PHACTR2: variants seen among roughly 807,000 people sequenced by gnomAD.
PHACTR2 encodes phosphatase and actin regulator 2.
PHACTR2 carries 30 observed loss-of-function variants against 76.0 expected under a neutral mutation model. That is an observed-to-expected ratio of 0.39 (90% CI 0.30 to 0.54). PHACTR2 has a LOEUF of 0.54. Among genes scored for constraint, PHACTR2 ranks in the 20% least tolerant of loss-of-function variants. The pLI, the probability that PHACTR2 is intolerant of heterozygous loss-of-function variation, is 0.61. For missense variants in PHACTR2, 696 were observed against 781.1 expected, an observed-to-expected ratio of 0.89 and a Z score of 1.30; for synonymous variants, 292 against 292.5, an observed-to-expected ratio of 1.00 and a Z score of 0.02.
At position 143,731,006 on chromosome 6, in the gene PHACTR2, C is replaced by T. The variant is rs891459916; in HGVS notation, c.215-17979C>T. 1.3e-5 allele frequency among the ~76,000 whole-genome samples: 2 copies of T among 152,182 alleles called. No individual in the cohort carries two copies. The highest frequency in any genetic ancestry group is 2.4e-5 in the African/African-American group (1 of 41,442). ...AACATGATCCGCCTGCCTCAGCCTT[C>T]AAAAGTGCTGAGATTACAGGCGTGA... On this transcript the variant is annotated intron_variant, in intron 2 of 12. Transcript: ENST00000440869. The surrounding 1 kb of genome is among the most constrained non-coding windows in gnomAD (Gnocchi z 4.9).
chr6:143,719,135 G>A (rs1364854807), intron 2 of PHACTR2, among the ~76,000 whole-genome samples: 11 of 150,286 alleles, frequency 7.3e-5, no homozygotes, highest in Non-Finnish European at 1.6e-4. Flanking sequence ...CACCTGCCTC[G>A]GCCTCCTAAA....
intron 2 of PHACTR2, among the ~76,000 whole-genome samples, chr6:143,714,026 G>A (rs1778245750): frequency 6.6e-6 from 1 of 152,096 alleles, no homozygotes; most frequent in South Asian, 2.1e-4. Flanking sequence ...AAGTAGTTGC[G>A]ATTTTTGCCA....
intron 1 of PHACTR2, among the ~76,000 whole-genome samples, chr6:143,620,243 G>A (rs963280401): frequency 5.3e-5 from 8 of 152,006 alleles, no homozygotes; most frequent in African/African-American, 1.9e-4. Flanking sequence ...CAGCCCTAAT[G>A]CTCCATAAAC....
At position 143,688,976 on chromosome 6, in the gene PHACTR2, C is replaced by CCT. The variant is rs1390631310; in HGVS notation, c.46+10772_46+10773dup. Among the ~76,000 whole-genome samples, 2 of 152,202 alleles carry CCT rather than the reference C, an allele frequency of 1.3e-5. No individual in the cohort carries two copies. Among genetic ancestry groups the CCT allele is most frequent in the Non-Finnish European group, 2.9e-5 (2 of 68,026 alleles). On this transcript the variant is annotated intron_variant, in intron 1 of 12. Coordinates refer to ENST00000440869, the MANE Select transcript of PHACTR2 (RefSeq NM_001100164.2). This position sits in a 1 kb window ranked among gnomAD's most constrained non-coding sequence, Gnocchi z 5.2. ...CATGAGCCTATATGATCCCTGCCCACCTCTCTGACCTCATCTTCCATCACT... is the reference window on the plus strand; with the variant it reads ...CATGAGCCTATATGATCCCTGCCCACCTCTCTCTGACCTCATCTTCCATCACT...
At position 143,823,485 on chromosome 6, in the gene PHACTR2, G is replaced by A. The variant is rs548766346; in HGVS notation, c.1923-189G>A. 3.0e-4 allele frequency among the ~76,000 whole-genome samples: 46 copies of A among 152,196 alleles called. No homozygotes were observed. The highest frequency in any genetic ancestry group is 7.9e-4 in the African/African-American group (33 of 41,536). ...ATGTAAACATATATATAAGGAAAGC[G>A]TTTATATATGCTTTCCTTAATAATA... On this transcript the variant is annotated intron_variant, in intron 12 of 12. Coordinates refer to ENST00000440869, the MANE Select transcript of PHACTR2 (RefSeq NM_001100164.2). The surrounding 1 kb of genome is among the most constrained non-coding windows in gnomAD (Gnocchi z 5.7).
At chr6:143,642,484 A>G (rs1052648099) in intron 1 of PHACTR2, among the ~76,000 whole-genome samples, 1 of 152,214 alleles carries the variant, frequency 6.6e-6, no homozygotes, top group Non-Finnish European at 1.5e-5. Context: ...TGGTTTGGGC[A>G]TGGCTTGTTT....
rs6918150 is a variant in PHACTR2, at chr6:143,708,693, G to C, written c.47-3323G>C. ...AATATTCTGCCCATACTACTCAAAAGCAGATGACAGTGGTCCTCACATTCA... is the reference window on the plus strand; with the variant it reads ...AATATTCTGCCCATACTACTCAAAACCAGATGACAGTGGTCCTCACATTCA... On this transcript the variant is annotated intron_variant, in intron 1 of 12. Transcript: ENST00000440869. The surrounding 1 kb of genome is among the most constrained non-coding windows in gnomAD (Gnocchi z 5.5). Among the ~76,000 whole-genome samples the C allele has an allele frequency of 6.6e-6, 1 of 152,246 alleles. No homozygotes were observed. The highest frequency in any genetic ancestry group is 1.5e-5 in the Non-Finnish European group (1 of 68,024).
At chr6:143,613,869 T>G (rs1016890378) in intron 1 of PHACTR2, among the ~76,000 whole-genome samples, 1 of 152,160 alleles carries the variant, frequency 6.6e-6, no homozygotes, top group Non-Finnish European at 1.5e-5. Context: ...AATTTAGCAT[T>G]CAGGCAATTT....
chr6:143,711,077 A>G (rs1312014916), intron 1 of PHACTR2: 2 of 516,882 alleles, frequency 3.9e-6, no homozygotes, highest in Admixed American at 2.0e-5. Flanking sequence ...AATTGTAAAT[A>G]CCATTTGATG....
chr6:143,685,853 C>T (rs908297806), intron 1 of PHACTR2, among the ~76,000 whole-genome samples: 13 of 151,932 alleles, frequency 8.6e-5, no homozygotes, highest in Non-Finnish European at 1.2e-4. Context: ...GCACTTAGGC[C>T]GGGCGTGGTG....
chr6:143,611,237 T>C lies in PHACTR2; in HGVS notation c.13+2915T>C, dbSNP rs539498527. Among the ~76,000 whole-genome samples, 3 of 152,286 alleles carry C rather than the reference T, an allele frequency of 2.0e-5. No individual in the cohort carries two copies. The highest frequency in any genetic ancestry group is 3.9e-4 in the East Asian group (2 of 5,184). On this transcript the variant is annotated intron_variant, in intron 1 of 11. Coordinates refer to the PHACTR2 transcript ENST00000305766. This position sits in a 1 kb window ranked among gnomAD's most constrained non-coding sequence, Gnocchi z 4.4. ...AGATATTTCAGTTACCATGTGTGGG[T>C]TGAAAGAGCCACACTCATTTGGAGG...
intron 1 of PHACTR2, among the ~76,000 whole-genome samples, chr6:143,629,494 C>T (rs1776322986): frequency 6.6e-6 from 1 of 152,136 alleles, no homozygotes; most frequent in African/African-American, 2.4e-5. Flanking sequence ...TACAGTTTGG[C>T]ATCCTAATGG....
chr6:143,767,258 G>A lies in PHACTR2; in HGVS notation c.1232+1460G>A, dbSNP rs965970794. On this transcript the variant is annotated intron_variant, in intron 6 of 12. Transcript: ENST00000440869. This position sits in a 1 kb window ranked among gnomAD's most constrained non-coding sequence, Gnocchi z 4.4. Reference sequence around the variant, plus strand: ...TAGTTTGCACCAGACTGCCCAGTTGGTGGTGGTGAAGCCAGAATGCATACC... The same window carrying A: ...TAGTTTGCACCAGACTGCCCAGTTGATGGTGGTGAAGCCAGAATGCATACC... 6.6e-6 allele frequency among the ~76,000 whole-genome samples: 1 copy of A among 152,192 alleles called. No homozygotes were observed. Among genetic ancestry groups the A allele is most frequent in the Non-Finnish European group, 1.5e-5 (1 of 68,032 alleles).
chr6:143,637,879 C>G (rs1776489774), intron 1 of PHACTR2, among the ~76,000 whole-genome samples: 2 of 152,216 alleles, frequency 1.3e-5, no homozygotes, highest in African/African-American at 4.8e-5. Context: ...ATCCCGTCAC[C>G]TTTGCTATGT....
At chr6:143,606,805 T>C (rs1157230207), upstream of PHACTR2, among the ~76,000 whole-genome samples, 4 of 152,200 alleles carry the variant, frequency 2.6e-5, no homozygotes, top group African/African-American at 9.6e-5. Context: ...TAAAGATGAT[T>C]TTTTAAATTC....
At chr6:143,712,985 A>C (rs1778215363) in intron 2 of PHACTR2, among the ~76,000 whole-genome samples, 1 of 152,216 alleles carries the variant, frequency 6.6e-6, no homozygotes. Flanking sequence ...CTAAGATAGA[A>C]AAGTGTTTAG....
In PHACTR2 at chr6:143,548,609, C is replaced by CT. The variant is rs1775042883; in HGVS notation, c.217+11403dup. On this transcript the variant is annotated intron_variant, in intron 1 of 11. Coordinates refer to the PHACTR2 transcript ENST00000367584. This position sits in a 1 kb window ranked among gnomAD's most constrained non-coding sequence, Gnocchi z 4.5. ...TATCCGTTTTGTTGGACAGAGACCA[C>CT]TGGGGTGTATTCTTGCAGGTGTGGA... Among the ~76,000 whole-genome samples, 1 of 152,062 alleles carries CT rather than the reference C, an allele frequency of 6.6e-6. No individual in the cohort carries two copies. The highest frequency in any genetic ancestry group is 2.1e-4 in the South Asian group (1 of 4,818).
In PHACTR2 at chr6:143,772,509, G is replaced by A. The variant is rs1466090414; in HGVS notation, c.1432+52G>A. The A allele has an allele frequency of 8.3e-6, 11 of 1,326,702 alleles. No homozygotes were observed. Among genetic ancestry groups the A allele is most frequent in the Non-Finnish European group, 1.2e-5 (11 of 933,764 alleles). 82.2% of individuals were successfully genotyped at this position (1,326,702 alleles called of 1,614,324 possible). Reference sequence around the variant, plus strand: ...GGAGCGTGGGTGATAAGCAGAAGCAGCTGCAGTTTATAAAGAATAAAAGCC... The same window carrying A: ...GGAGCGTGGGTGATAAGCAGAAGCAACTGCAGTTTATAAAGAATAAAAGCC... On this transcript the variant is annotated intron_variant, in intron 7 of 12. Coordinates refer to ENST00000440869, the MANE Select transcript of PHACTR2 (RefSeq NM_001100164.2). This position sits in a 1 kb window ranked among gnomAD's most constrained non-coding sequence, Gnocchi z 5.4.
intron 2 of PHACTR2, among the ~76,000 whole-genome samples, chr6:143,734,946 T>C (rs369670026): frequency 2.6e-5 from 4 of 152,294 alleles, no homozygotes; most frequent in African/African-American, 9.6e-5. Context: ...TTATTTCCCT[T>C]TGTGGTTTTG....
Sources: allele counts gnomAD v4.1 joint callset (sites outside exome capture counted in the v4.1 genomes callset), GRCh38; gene constraint gnomAD v4.1.1; non-coding constraint Gnocchi (gnomAD v3.1); transcripts MANE v1.5; gene names NCBI Gene and HGNC (gene_info 2026-07-23, HGNC 2026-07-21).